Variants in MYO9A observed in about 807,000 individuals in gnomAD.
The protein encoded by MYO9A is unconventional myosin-IXa.
In MYO9A, 103 loss-of-function variants were observed where a neutral mutation model predicts 293.3. That is an observed-to-expected ratio of 0.35 (90% CI 0.30 to 0.41). The LOEUF (loss-of-function observed/expected upper bound fraction) is 0.41. Ranked by LOEUF, MYO9A falls within the 10% of genes least tolerant of loss-of-function variation. The pLI, the probability that MYO9A is intolerant of heterozygous loss-of-function variation, is 1.00. For missense variants in MYO9A, 2,685 were observed against 3,033.0 expected (o/e 0.89, Z 2.69); for synonymous variants, 1,001 against 1,035.7 (o/e 0.97, Z 0.64).
intron 13 of MYO9A, among the ~76,000 whole-genome samples, chr15:71,964,117 T>C (rs1182296767): frequency 6.6e-6 from 1 of 152,172 alleles, no homozygotes; most frequent in African/African-American, 2.4e-5. Flanking sequence ...AAGTTCTTTT[T>C]TCATTCCTGG....
Position 72,045,777 on chromosome 15 carries a change from C to A in MYO9A, c.787G>T (p.Gly263Ter). 6.2e-7 allele frequency: 1 copy of A among 1,614,072 alleles called. No individual in the cohort carries two copies. Among genetic ancestry groups the A allele is most frequent in the Non-Finnish European group, 8.5e-7 (1 of 1,180,008 alleles). The part of the protein sequence containing the change: ...IHHLTALSQK[G>*]FASGVEQIIL... ...ATCTGTTCTACTCCACTGGCAAATC[C>A]TTTCTGACTGAGAGCAGTAAGGTGG... is the stretch of plus-strand genomic sequence containing the variant. The change falls in exon 2 of 42, where the codon GGA (glycine) becomes TGA (stop). Residue 263 changes from glycine (G) to a stop codon, truncating the protein, a stop_gained. Coordinates refer to ENST00000356056, the MANE Select transcript of MYO9A (RefSeq NM_006901.4). LOFTEE classifies it high-confidence loss of function.
At chr15:72,048,174 C>T (rs929438099) in intron 1 of MYO9A, among the ~76,000 whole-genome samples, 9 of 151,784 alleles carry the variant, frequency 5.9e-5, no homozygotes, top group African/African-American at 1.9e-4. Context: ...CCAAGGCGGG[C>T]GGATCACCTG....
chr15:71,836,813 G>A (rs2054962446), intron 39 of MYO9A, among the ~76,000 whole-genome samples: 1 of 152,000 alleles, frequency 6.6e-6, no homozygotes, highest in Non-Finnish European at 1.5e-5. Context: ...AATAAAGTAA[G>A]TCATTAATGT....
At chr15:71,982,526 G>A (rs2076301766) in intron 11 of MYO9A, among the ~76,000 whole-genome samples, 1 of 152,030 alleles carries the variant, frequency 6.6e-6, no homozygotes. Flanking sequence ...AGCTGTTGAT[G>A]CAGTGTTCTA....
chr15:72,056,046 G>A (rs1331092417), intron 1 of MYO9A, among the ~76,000 whole-genome samples: 1 of 152,166 alleles, frequency 6.6e-6, no homozygotes, highest in Non-Finnish European at 1.5e-5. Flanking sequence ...TGACCAACAT[G>A]GCGAAACCCC....
chr15:71,884,296 C>T (rs554703607), intron 27 of MYO9A, among the ~76,000 whole-genome samples: 19 of 152,224 alleles, frequency 1.2e-4, no homozygotes, highest in South Asian at 6.2e-4. Flanking sequence ...TTAAATCTTT[C>T]CACTCACCAT....
At chr15:72,063,583 A>T (rs2078935434) in intron 1 of MYO9A, among the ~76,000 whole-genome samples, 1 of 152,222 alleles carries the variant, frequency 6.6e-6, no homozygotes. Flanking sequence ...TAAAATGGGC[A>T]AAAGACTGGA....
chr15:71,862,361 G>A, intron 33 of MYO9A, 139 bp downstream of exon 33: 7 of 659,658 alleles, frequency 1.1e-5, no homozygotes, highest in Non-Finnish European at 1.9e-5. Context: ...AAGAGTAGGT[G>A]AAGAGAGTAT....
intron 14 of MYO9A, among the ~76,000 whole-genome samples, chr15:71,958,124 C>CT (rs1278483994): frequency 6.6e-6 from 1 of 152,146 alleles, no homozygotes; most frequent in African/African-American, 2.4e-5. Context: ...AAAGTATTAT[C>CT]TTTGCCCTCT....
chr15:71,993,214 G>A (rs2076591235), intron 10 of MYO9A, among the ~76,000 whole-genome samples: 1 of 152,118 alleles, frequency 6.6e-6, no homozygotes, highest in South Asian at 2.1e-4. Flanking sequence ...GCCAGGCATT[G>A]TGGCACGCGC....
chr15:71,964,073 G>A (rs555771977), intron 13 of MYO9A, among the ~76,000 whole-genome samples: 2 of 152,192 alleles, frequency 1.3e-5, no homozygotes, highest in Non-Finnish European at 1.5e-5. Context: ...CAAAATATAT[G>A]CATATCCTTC....
chr15:71,843,022 A>G (rs992545715), intron 39 of MYO9A, among the ~76,000 whole-genome samples: 5 of 152,060 alleles, frequency 3.3e-5, no homozygotes, highest in African/African-American at 1.2e-4. Context: ...CTTAAATTAT[A>G]TTGTAATTAT....
chr15:72,002,821 T>A (rs2076906403), intron 8 of MYO9A, among the ~76,000 whole-genome samples: 1 of 152,094 alleles, frequency 6.6e-6, no homozygotes, highest in Non-Finnish European at 1.5e-5. Context: ...ATTACTTGAG[T>A]GGGGCTGTAA....
chr15:72,020,416 T>G (rs1248245152), intron 5 of MYO9A, among the ~76,000 whole-genome samples: 1 of 152,324 alleles, frequency 6.6e-6, no homozygotes, highest in Admixed American at 6.5e-5. Flanking sequence ...TTTGATGACC[T>G]TCATACTGAA....
intron 40 of MYO9A, 65 bp downstream of exon 40, chr15:71,830,044 A>G (rs929363394): frequency 6.7e-7 from 1 of 1,489,224 alleles, no homozygotes; most frequent in Non-Finnish European, 9.3e-7. Flanking sequence ...AAAATAAAGA[A>G]ACGATAGAAG....
rs77241439 is a variant in MYO9A, at chr15:72,035,492, A to T, written c.841-2904T>A. Among the ~76,000 whole-genome samples, 507 of 152,348 alleles carry T rather than the reference A, an allele frequency of 3.3e-3. 4 individuals carry two copies. The highest frequency in any genetic ancestry group is 5.8e-3 in the Non-Finnish European group (392 of 68,036). On this transcript the variant is annotated intron_variant, in intron 2 of 41. Transcript: ENST00000356056. ...AACCTGGATGAATTTCAAAGATACA[A>T]CACTGAATGAGAGAAATCAGTCTCA...
At chr15:71,963,557 T>C (rs2075797356) in intron 13 of MYO9A, among the ~76,000 whole-genome samples, 1 of 151,806 alleles carries the variant, frequency 6.6e-6, no homozygotes, top group Non-Finnish European at 1.5e-5. Context: ...CAAGCAATTG[T>C]CCTGCCTCAG....
intron 1 of MYO9A, among the ~76,000 whole-genome samples, chr15:72,085,116 C>T (rs145457888): frequency 1.4e-3 from 220 of 152,200 alleles, no homozygotes; most frequent in African/African-American, 4.6e-3. Context: ...TGCAGCTGGC[C>T]GGGCGTGGTG....
At chr15:71,851,134 CT>C (rs1466608189) in intron 37 of MYO9A, 118 bp downstream of exon 37, 2 of 789,288 alleles carry the variant, frequency 2.5e-6, no homozygotes, top group Non-Finnish European at 2.0e-6. Flanking sequence ...GAGACACTGA[CT>C]TTATAAATAG....
Sources: gnomAD v4.1 joint callset for allele counts (sites outside exome capture counted in the v4.1 genomes callset) on GRCh38, gnomAD v4.1.1 for gene constraint, MANE v1.5 for transcripts, NCBI Gene and HGNC (gene_info 2026-07-23, HGNC 2026-07-21) for gene names.